Variants in EPS8 observed in about 807,000 individuals in gnomAD.
The protein encoded by EPS8 is epidermal growth factor receptor kinase substrate 8.
Under a neutral mutation model 103.8 loss-of-function variants are expected in EPS8, and 42 were observed. That is an observed-to-expected ratio of 0.40 (90% CI 0.32 to 0.52). The LOEUF is 0.52. EPS8 is among the 20% of genes least tolerant of loss of function. The pLI is 0.40. For missense variants in EPS8, 969 were observed against 1,005.1 expected (o/e 0.96, Z 0.49); for synonymous variants, 344 against 344.6 (o/e 1.00, Z 0.02).
chr12:15,631,824 A>T (rs1287100404), intron 17 of EPS8, 160 bp from the exon 18 acceptor site: 1 of 584,552 alleles, frequency 1.7e-6, no homozygotes, highest in African/African-American at 1.9e-5. Flanking sequence ...GACCATTAAA[A>T]ATCATATTTT....
chr12:15,649,451 A>G (rs1045980886), intron 14 of EPS8, among the ~76,000 whole-genome samples: 7 of 152,168 alleles, frequency 4.6e-5, no homozygotes, highest in Non-Finnish European at 7.4e-5. Context: ...TCTTTCCTCT[A>G]GAAAAACTAC....
intron 1 of EPS8, among the ~76,000 whole-genome samples, chr12:15,746,617 T>C (rs924117056): frequency 6.6e-6 from 1 of 152,162 alleles, no homozygotes; most frequent in Admixed American, 6.5e-5. Flanking sequence ...ACACATGAGA[T>C]CGTATAACAG....
Position 15,784,172 on chromosome 12 carries a change from G to C in EPS8, c.-22+4989C>G, listed in dbSNP as rs867858959. Among the ~76,000 whole-genome samples, 1 of 152,096 alleles carries C rather than the reference G, an allele frequency of 6.6e-6. No homozygotes were observed. The highest frequency in any genetic ancestry group is 2.1e-4 in the South Asian group (1 of 4,828). Reference sequence around the variant, plus strand: ...GGCCTTATTAAAATTAAAGACATCTGTTCTGACAAAGACACTGTTAGGAAA... The same window carrying C: ...GGCCTTATTAAAATTAAAGACATCTCTTCTGACAAAGACACTGTTAGGAAA... On this transcript the variant is annotated intron_variant, in intron 1 of 20. Transcript: ENST00000281172. The surrounding 1 kb of genome is among the most constrained non-coding windows in gnomAD (Gnocchi z 4.0).
chr12:15,662,013 C>A lies in EPS8; in HGVS notation c.810+13G>T, dbSNP rs780957133. On this transcript the variant is annotated intron_variant, in intron 9 of 20. Coordinates refer to ENST00000281172, the MANE Select transcript of EPS8 (RefSeq NM_004447.6). Reference sequence around the variant, plus strand: ...AGAAAAGCCAGTGATCTAAAGGCGACTCCTGTACTTACCACATCTCTGTCA... The same window carrying A: ...AGAAAAGCCAGTGATCTAAAGGCGAATCCTGTACTTACCACATCTCTGTCA... 1 of 1,606,658 alleles carries A rather than the reference C, an allele frequency of 6.2e-7. No homozygotes were observed. The highest frequency in any genetic ancestry group is 1.7e-5 in the Admixed American group (1 of 59,998).
At chr12:15,628,968 T>G (rs1416339432) in intron 18 of EPS8, among the ~76,000 whole-genome samples, 1 of 152,208 alleles carries the variant, frequency 6.6e-6, no homozygotes, top group Non-Finnish European at 1.5e-5. Flanking sequence ...TCAAGAAATA[T>G]TTGTTTTATA....
rs1416701637 is a variant in EPS8 at position 15,641,749 on chromosome 12, G to C, written c.1650C>G (p.Leu550=). 6.3e-7 allele frequency: 1 copy of C among 1,584,722 alleles called. No individual in the cohort carries two copies. The highest frequency in any genetic ancestry group is 8.6e-7 in the Non-Finnish European group (1 of 1,163,000). ...YDFVARNNSE[L]SVLKDDILEI... ...CTAAAATATCATCCTTTAGAACCGA[G>C]AGCTCACTGTTGTTCCTTGCTACAA... The change falls in exon 16 of 21, where the codon CTC becomes CTG. Residue 550 remains leucine (L), a synonymous_variant. Coordinates refer to ENST00000281172, the MANE Select transcript of EPS8 (RefSeq NM_004447.6).
intron 8 of EPS8, 110 bp from the exon 9 acceptor site, chr12:15,662,209 C>T (rs1249817779): frequency 1.9e-6 from 3 of 1,545,208 alleles, no homozygotes; most frequent in Admixed American, 1.8e-5. Flanking sequence ...CCAAAGGGAA[C>T]ACCTCCACTG....
rs982036856 is a variant in EPS8, at chr12:15,714,361, C to G, written c.-21-31389G>C. On this transcript the variant is annotated intron_variant, in intron 1 of 20. Transcript: ENST00000281172. This position sits in a 1 kb window ranked among gnomAD's most constrained non-coding sequence, Gnocchi z 4.1. ...TATTTGAATAAAGATATGGCACAGG[C>G]TGGGTACAGTGGCTCACACCTGTAA... 3.3e-5 allele frequency among the ~76,000 whole-genome samples: 5 copies of G among 152,178 alleles called. No homozygotes were observed. The highest frequency in any genetic ancestry group is 1.3e-4 in the Admixed American group (2 of 15,272).
intron 5 of EPS8, 22 bp downstream of exon 5, chr12:15,669,642 A>T: frequency 6.4e-7 from 1 of 1,568,692 alleles, no homozygotes. Context: ...AAAATAAAAT[A>T]GTATAAATTT....
rs139520550 is a variant in EPS8, at chr12:15,745,088, C to T, written c.-22+44073G>A. Reference sequence around the variant, plus strand: ...ACGTTGGACAGGATGGTCTCGATCTCCTGACCTCGTGATCCACCCACCTCA... The same window carrying T: ...ACGTTGGACAGGATGGTCTCGATCTTCTGACCTCGTGATCCACCCACCTCA... On this transcript the variant is annotated intron_variant, in intron 1 of 20. Coordinates refer to ENST00000281172, the MANE Select transcript of EPS8 (RefSeq NM_004447.6). The surrounding 1 kb of genome is among the most constrained non-coding windows in gnomAD (Gnocchi z 4.6). 9.5e-3 allele frequency among the ~76,000 whole-genome samples: 1,439 copies of T among 152,254 alleles called. 16 individuals are homozygous for T. The highest frequency in any genetic ancestry group is 0.015 in the Non-Finnish European group (1,025 of 68,018).
chr12:15,762,929 T>C lies in EPS8; in HGVS notation c.-22+26232A>G, dbSNP rs1346737854. Among the ~76,000 whole-genome samples, 1 of 152,172 alleles carries C rather than the reference T, an allele frequency of 6.6e-6. No homozygotes were observed. Among genetic ancestry groups the C allele is most frequent in the African/African-American group, 2.4e-5 (1 of 41,442 alleles). ...ACAGCTATTTTTAAAATAGCTAAAA[T>C]AGTATAATTGGATTGTTTGTAACAC... On this transcript the variant is annotated intron_variant, in intron 1 of 20. Coordinates refer to ENST00000281172, the MANE Select transcript of EPS8 (RefSeq NM_004447.6). This position sits in a 1 kb window ranked among gnomAD's most constrained non-coding sequence, Gnocchi z 4.8.
rs554914886 is a variant in EPS8, at chr12:15,745,553, G to A, written c.-22+43608C>T. 2.3e-3 allele frequency among the ~76,000 whole-genome samples: 99 copies of A among 43,508 alleles called. No individual in the cohort carries two copies. Among genetic ancestry groups the A allele is most frequent in the African/African-American group, 8.0e-3 (94 of 11,756 alleles). 28.5% of individuals were successfully genotyped at this position (43,508 alleles called of 152,430 possible). ...TCTGACTCCAAAAATCTATGACTAT[G>A]TATCCAAAAAAAAAAAAAAATTCTT... On this transcript the variant is annotated intron_variant, in intron 1 of 20. Transcript: ENST00000281172. This position sits in a 1 kb window ranked among gnomAD's most constrained non-coding sequence, Gnocchi z 4.6.
rs1272249784 is a variant in EPS8 at position 15,771,295 on chromosome 12, T to C, written c.-22+17866A>G. 6.6e-6 allele frequency among the ~76,000 whole-genome samples: 1 copy of C among 152,148 alleles called. No individual in the cohort carries two copies. Among genetic ancestry groups the C allele is most frequent in the East Asian group, 1.9e-4 (1 of 5,194 alleles). On this transcript the variant is annotated intron_variant, in intron 1 of 20. Transcript: ENST00000281172. The surrounding 1 kb of genome is among the most constrained non-coding windows in gnomAD (Gnocchi z 4.6). Reference sequence around the variant, plus strand: ...CTCACTTTGGCTAATGAGTAATTTATAGGAAAGCGGGTAGTGAGGCTAAAA... The same window carrying C: ...CTCACTTTGGCTAATGAGTAATTTACAGGAAAGCGGGTAGTGAGGCTAAAA...
rs1591859077 is a variant in EPS8 at position 15,688,691 on chromosome 12, C to T, written c.-21-5719G>A. 6.6e-6 allele frequency among the ~76,000 whole-genome samples: 1 copy of T among 152,052 alleles called. No homozygotes were observed. Among genetic ancestry groups the T allele is most frequent in the African/African-American group, 2.4e-5 (1 of 41,398 alleles). ...GAAAACCATTCTCCCTTGTGGCTCC[C>T]CCATCTGCTGAGAGCTACCTCCACT... On this transcript the variant is annotated intron_variant, in intron 1 of 20. Transcript: ENST00000281172. This position sits in a 1 kb window ranked among gnomAD's most constrained non-coding sequence, Gnocchi z 5.1.
At chr12:15,756,491 T>C (rs886610033) in intron 1 of EPS8, among the ~76,000 whole-genome samples, 6 of 152,242 alleles carry the variant, frequency 3.9e-5, no homozygotes, top group Admixed American at 3.9e-4. Flanking sequence ...GCAGAAAAAC[T>C]TTAAAGGCTC....
chr12:15,654,611 C>T (rs1291769154), intron 12 of EPS8, among the ~76,000 whole-genome samples: 1 of 152,110 alleles, frequency 6.6e-6, no homozygotes, highest in East Asian at 1.9e-4. Context: ...ATTTTACTAC[C>T]CCTGTTTTGT....
chr12:15,739,341 A>G (rs1206348801), intron 1 of EPS8, among the ~76,000 whole-genome samples: 1 of 152,158 alleles, frequency 6.6e-6, no homozygotes, highest in Admixed American at 6.5e-5. Flanking sequence ...CAACTTCACT[A>G]AATTAAGGAA....
chr12:15,642,423 A>G (rs1272068192), intron 15 of EPS8, among the ~76,000 whole-genome samples: 1 of 152,162 alleles, frequency 6.6e-6, no homozygotes. Context: ...TAAATAATTT[A>G]ATTCACTATA....
In EPS8 at chr12:15,745,803, C is replaced by A. The variant is rs1298659067; in HGVS notation, c.-22+43358G>T. Reference sequence around the variant, plus strand: ...CATCAAGAGCTATTATATGTGGTTTCCCAGTACATGTAAGTTTAAAACAAC... The same window carrying A: ...CATCAAGAGCTATTATATGTGGTTTACCAGTACATGTAAGTTTAAAACAAC... On this transcript the variant is annotated intron_variant, in intron 1 of 20. Transcript: ENST00000281172. This position sits in a 1 kb window ranked among gnomAD's most constrained non-coding sequence, Gnocchi z 4.6. Among the ~76,000 whole-genome samples, 1 of 152,174 alleles carries A rather than the reference C, an allele frequency of 6.6e-6. No individual in the cohort carries two copies. The highest frequency in any genetic ancestry group is 1.9e-4 in the East Asian group (1 of 5,206).
Sources: allele counts gnomAD v4.1 joint callset (sites outside exome capture counted in the v4.1 genomes callset), GRCh38; gene constraint gnomAD v4.1.1; non-coding constraint Gnocchi (gnomAD v3.1); transcripts MANE v1.5; gene names NCBI Gene and HGNC (gene_info 2026-07-23, HGNC 2026-07-21).